Variants in RAB38 observed in about 807,000 individuals in gnomAD.
RAB38 encodes RAB38, member RAS oncogene family.
In RAB38, 15 loss-of-function variants were observed where a neutral mutation model predicts 18.4. The observed-to-expected ratio is 0.82, with a 90% CI of 0.55 to 1.26. The LOEUF (loss-of-function observed/expected upper bound fraction) is 1.26, where lower values mean the gene tolerates loss of function less well. RAB38 is among the 50% of genes most tolerant of loss of function. The probability of loss-of-function intolerance (pLI) is 0.00; values close to 1 mark genes in which losing one functional copy is unlikely to be tolerated. For missense variants in RAB38, 294 were observed against 267.4 expected (o/e 1.10, Z -0.69); for synonymous variants, 101 against 104.4 (o/e 0.97, Z 0.20).
At chr11:88,138,300 C>A (rs911602764) in intron 2 of RAB38, among the ~76,000 whole-genome samples, 1 of 152,130 alleles carries the variant, frequency 6.6e-6, no homozygotes, top group Middle Eastern at 3.2e-3. Context: ...GCACAGACAG[C>A]AAATTATGTG....
chr11:87,936,942 T>C, the RAB38 span, among the ~76,000 whole-genome samples: 2 of 152,092 alleles, frequency 1.3e-5, no homozygotes, highest in African/African-American at 4.8e-5. Context: ...TTCTTCCTTT[T>C]AGATTTGTAT....
chr11:87,948,028 C>A, the RAB38 span, among the ~76,000 whole-genome samples: 491 of 152,316 alleles, frequency 3.2e-3, 2 homozygotes, highest in African/African-American at 0.011. Context: ...TACCCATGAG[C>A]ATGGAATGTT....
At chr11:88,084,546 T>C in the RAB38 span, among the ~76,000 whole-genome samples, 2 of 151,838 alleles carry the variant, frequency 1.3e-5, no homozygotes, top group African/African-American at 4.8e-5. Context: ...AATTTCACTT[T>C]GTCGAAAAGA....
chr11:87,831,658 A>AC, the RAB38 span, among the ~76,000 whole-genome samples: 3 of 152,192 alleles, frequency 2.0e-5, 1 homozygote, highest in South Asian at 6.2e-4. Context: ...GTCAGAGAGG[A>AC]CAGGGAAGCC....
the RAB38 span, among the ~76,000 whole-genome samples, chr11:87,924,546 C>T: frequency 1.6e-4 from 24 of 151,860 alleles, no homozygotes; most frequent in Admixed American, 2.6e-4. Context: ...TGGTGGGAGA[C>T]GACCTTATTA....
chr11:87,843,918 A>G, the RAB38 span, among the ~76,000 whole-genome samples: 1 of 152,164 alleles, frequency 6.6e-6, no homozygotes, highest in Non-Finnish European at 1.5e-5. Flanking sequence ...CATTGCACTC[A>G]CTGCCTTTTA....
chr11:87,863,669 G>A, the RAB38 span, among the ~76,000 whole-genome samples: 2 of 151,726 alleles, frequency 1.3e-5, no homozygotes, highest in Non-Finnish European at 2.9e-5. Context: ...ATCATTCATT[G>A]CTTGATAGAA....
At chr11:88,174,637 A>AAAAAAAAAAC (rs1555014231) in intron 1 of RAB38, among the ~76,000 whole-genome samples, 13 of 133,704 alleles carry the variant, frequency 9.7e-5, no homozygotes, top group South Asian at 2.4e-4. Flanking sequence ...AAAAAAAAAA[A>AAAAAAAAAAC]AAAACAAAAC....
intron 1 of RAB38, among the ~76,000 whole-genome samples, chr11:88,154,382 C>G (rs1943100311): frequency 6.6e-6 from 1 of 152,214 alleles, no homozygotes; most frequent in Non-Finnish European, 1.5e-5. Context: ...GAAGTGTGTT[C>G]TCCTCTGTCA....
chr11:87,933,038 T>C, the RAB38 span, among the ~76,000 whole-genome samples: 1 of 152,132 alleles, frequency 6.6e-6, no homozygotes, highest in East Asian at 1.9e-4. Context: ...CCATCTGTTA[T>C]GCACCACCCA....
chr11:87,861,108 G>A, the RAB38 span, among the ~76,000 whole-genome samples: 2 of 151,858 alleles, frequency 1.3e-5, no homozygotes, highest in Admixed American at 1.3e-4. Flanking sequence ...GTTGTAAGAA[G>A]GGACAAGACA....
chr11:88,134,867 A>T (rs1176944380), intron 2 of RAB38, among the ~76,000 whole-genome samples: 1 of 152,108 alleles, frequency 6.6e-6, no homozygotes, highest in East Asian at 1.9e-4. Flanking sequence ...AAAATCCAAA[A>T]TTCTTACAAT....
the RAB38 span, chr11:87,917,913 A>T: frequency 6.6e-6 from 1 of 152,050 alleles, no homozygotes; most frequent in African/African-American, 2.4e-5. Flanking sequence ...TTAATAAAAG[A>T]AAGGGGGAGA....
the RAB38 span, among the ~76,000 whole-genome samples, chr11:88,018,007 C>G: frequency 6.6e-5 from 10 of 151,744 alleles, no homozygotes; most frequent in Admixed American, 3.3e-4. Flanking sequence ...TCTTGTCTGC[C>G]GCCGTATGAG....
chr11:87,946,887 A>G, the RAB38 span, among the ~76,000 whole-genome samples: 10 of 152,206 alleles, frequency 6.6e-5, no homozygotes, highest in South Asian at 6.2e-4. Context: ...ATGATTTACA[A>G]TCCTTTGGGT....
At chr11:87,938,038 CACATT>C in the RAB38 span, among the ~76,000 whole-genome samples, 1 of 151,920 alleles carries the variant, frequency 6.6e-6, no homozygotes, top group South Asian at 2.1e-4. Flanking sequence ...TGGATGTTTT[CACATT>C]ATATACTGAG....
the RAB38 span, among the ~76,000 whole-genome samples, chr11:87,917,143 G>T: frequency 2.6e-5 from 4 of 152,250 alleles, no homozygotes; most frequent in South Asian, 8.3e-4. Context: ...AGTCTAATTG[G>T]TGGGTTCAGA....
At chr11:87,833,867 C>T in the RAB38 span, among the ~76,000 whole-genome samples, 1 of 152,318 alleles carries the variant, frequency 6.6e-6, no homozygotes, top group East Asian at 1.9e-4. Flanking sequence ...ATCCCAAAAC[C>T]TGTGAATATG....
At chr11:87,850,739 C>CACACAT in the RAB38 span, among the ~76,000 whole-genome samples, 2 of 151,484 alleles carry the variant, frequency 1.3e-5, no homozygotes, top group African/African-American at 4.9e-5. Context: ...CACACACACA[C>CACACAT]ACACACATAC....
Sources: allele counts gnomAD v4.1 joint callset (sites outside exome capture counted in the v4.1 genomes callset), GRCh38; gene constraint gnomAD v4.1.1; transcripts MANE v1.5; gene names NCBI Gene and HGNC (gene_info 2026-07-23, HGNC 2026-07-21).